Variants in DLG5 observed in about 807,000 individuals in gnomAD.
The protein encoded by DLG5 is disks large homolog 5.
Under a neutral mutation model 189.8 loss-of-function variants are expected in DLG5, and 48 were observed. The observed-to-expected ratio is 0.25, with a 90% CI of 0.20 to 0.32. DLG5 has a LOEUF of 0.32. Ranked by LOEUF, DLG5 falls within the 10% of genes least tolerant of loss-of-function variation. The pLI is 1.00. For missense variants in DLG5, 2,160 were observed against 2,544.7 expected, an observed-to-expected ratio of 0.85 and a Z score of 3.25; for synonymous variants, 1,016 against 1,054.1, an observed-to-expected ratio of 0.96 and a Z score of 0.70.
chr10:77,938,211 A>G, the DLG5 span, among the ~76,000 whole-genome samples: 286 of 152,122 alleles, frequency 1.9e-3, no homozygotes, highest in Non-Finnish European at 3.5e-3. Flanking sequence ...TGGGGGGCCA[A>G]GGAAGGATGA....
At chr10:77,869,026 C>T (rs915670929) in intron 2 of DLG5, 103 bp downstream of exon 2, 3 of 908,980 alleles carry the variant, frequency 3.3e-6, no homozygotes, top group Non-Finnish European at 5.3e-6. Flanking sequence ...TGTGAGTAAT[C>T]TGACAAGGGA....
rs59297524 is a variant in DLG5, at chr10:77,814,461, T to TTATATATATATATA, written c.4025+2076_4026-2085dup. Among the ~76,000 whole-genome samples, 18 of 70,754 alleles carry TTATATATATATATA rather than the reference T, an allele frequency of 2.5e-4. 1 individual carries two copies. The highest frequency in any genetic ancestry group is 5.2e-4 in the East Asian group (1 of 1,932). 46.4% of individuals were successfully genotyped at this position (70,754 alleles called of 152,430 possible). ...TATGTACATAAATAATAAAGCATGT[T>TTATATATATATATA]TATATATATATATATATATATATAT... On this transcript the variant is annotated intron_variant, in intron 20 of 31. Coordinates refer to ENST00000372391, the MANE Select transcript of DLG5 (RefSeq NM_004747.4).
At chr10:77,804,537 C>G (rs1444788613) in intron 27 of DLG5, among the ~76,000 whole-genome samples, 1 of 152,204 alleles carries the variant, frequency 6.6e-6, no homozygotes, top group Non-Finnish European at 1.5e-5. Context: ...CTCACTGCCA[C>G]CCCCACACCT....
the DLG5 span, among the ~76,000 whole-genome samples, chr10:77,932,984 G>C: frequency 6.6e-6 from 1 of 152,178 alleles, no homozygotes; most frequent in Non-Finnish European, 1.5e-5. Flanking sequence ...CCCCTGCTCA[G>C]AAATTCAGAC....
At chr10:77,906,381 G>C (rs1029460887) in intron 1 of DLG5, among the ~76,000 whole-genome samples, 5 of 152,218 alleles carry the variant, frequency 3.3e-5, no homozygotes, top group African/African-American at 9.6e-5. Flanking sequence ...TACCTGCTAA[G>C]GGAATGGCAG....
At chr10:77,882,375 G>GA (rs1845308412) in intron 1 of DLG5, among the ~76,000 whole-genome samples, 1 of 152,174 alleles carries the variant, frequency 6.6e-6, no homozygotes, top group Non-Finnish European at 1.5e-5. Context: ...CAGAGCAAAT[G>GA]AAATACTGGA....
Position 77,790,951 on chromosome 10 carries a change from A to C in DLG5, c.*1489T>G, listed in dbSNP as rs187127019. ...GCCTGTAACTTAGAAAACAGCCCCT[A>C]CCCCCAGAGGGTCTGCGAGTTAATA... On this transcript the variant is annotated 3_prime_UTR_variant, in exon 32 of 32. Transcript: ENST00000372391. The C allele has an allele frequency of 6.6e-6, 1 of 152,216 alleles. No homozygotes were observed. Among genetic ancestry groups the C allele is most frequent in the African/African-American group, 2.4e-5 (1 of 41,508 alleles). 9.4% of individuals were successfully genotyped at this position (152,216 alleles called of 1,614,324 possible). A position where few individuals can be genotyped will look rare whatever the true frequency, so the allele number is the denominator to read the frequency against.
At chr10:77,823,962 G>A (rs1219093448) in intron 14 of DLG5, among the ~76,000 whole-genome samples, 2 of 151,986 alleles carry the variant, frequency 1.3e-5, no homozygotes, top group African/African-American at 2.4e-5. Context: ...TGTGTTGCTG[G>A]GCTCAAGTGA....
Position 77,842,088 on chromosome 10 carries a change from C to T in DLG5, c.1230G>A (p.Thr410=), listed in dbSNP as rs757210778. The T allele has an allele frequency of 9.3e-6, 15 of 1,613,768 alleles. No individual in the cohort carries two copies. Among genetic ancestry groups the T allele is most frequent in the East Asian group, 8.9e-5 (4 of 44,902 alleles). The change falls in exon 7 of 32, where the codon ACG becomes ACA. Residue 410 remains threonine, a synonymous_variant. Coordinates refer to ENST00000372391, the MANE Select transcript of DLG5 (RefSeq NM_004747.4). ...CCGACTCCTTTGCTGTCTTCACCTG[C>T]GTGGTTCTCAGCTCGGTCAGCTCTG... ...LQSELTELRT[T]QVKTAKESEK...
At chr10:77,801,472 T>C (rs186990740) in intron 27 of DLG5, among the ~76,000 whole-genome samples, 23 of 152,230 alleles carry the variant, frequency 1.5e-4, no homozygotes, top group African/African-American at 5.1e-4. Context: ...AGACAGGGTA[T>C]TGTCGAAGAA....
chr10:77,852,348 G>A (rs1321496600), intron 5 of DLG5, among the ~76,000 whole-genome samples: 1 of 152,080 alleles, frequency 6.6e-6, no homozygotes, highest in Non-Finnish European at 1.5e-5. Flanking sequence ...TCCAGCCTGG[G>A]CGACAGAGCG....
intron 2 of DLG5, among the ~76,000 whole-genome samples, chr10:77,858,062 G>A (rs1007389389): frequency 6.6e-6 from 1 of 152,172 alleles, no homozygotes; most frequent in Non-Finnish European, 1.5e-5. Context: ...AAGGGCCAGG[G>A]AGGATAGGGA....
At chr10:77,872,702 A>G (rs1346757358) in intron 1 of DLG5, among the ~76,000 whole-genome samples, 1 of 152,158 alleles carries the variant, frequency 6.6e-6, no homozygotes, top group Non-Finnish European at 1.5e-5. Context: ...AGGCAAAAGA[A>G]GCCACTGTCC....
At chr10:77,859,560 T>C (rs1191740127) in intron 2 of DLG5, among the ~76,000 whole-genome samples, 1 of 152,236 alleles carries the variant, frequency 6.6e-6, no homozygotes, top group African/African-American at 2.4e-5. Flanking sequence ...CTGGCTACCG[T>C]AGCCAGTACA....
chr10:77,904,811 A>G (rs972567998), intron 1 of DLG5, among the ~76,000 whole-genome samples: 1 of 151,782 alleles, frequency 6.6e-6, no homozygotes, highest in Non-Finnish European at 1.5e-5. Context: ...TCCTGAGCAG[A>G]GTTTTACTTT....
chr10:77,822,719 T>C (rs927059133), intron 14 of DLG5, among the ~76,000 whole-genome samples: 1 of 152,202 alleles, frequency 6.6e-6, no homozygotes, highest in African/African-American at 2.4e-5. Context: ...AATTCATTGT[T>C]AAAAATATAT....
chr10:77,834,649 G>T (rs113957334), intron 8 of DLG5, among the ~76,000 whole-genome samples: 1 of 152,092 alleles, frequency 6.6e-6, no homozygotes, highest in African/African-American at 2.4e-5. Flanking sequence ...GCTGTGGAGG[G>T]GCCTGGGCTC....
intron 27 of DLG5, among the ~76,000 whole-genome samples, chr10:77,800,983 G>T (rs533562135): frequency 2.0e-5 from 3 of 152,206 alleles, no homozygotes; most frequent in Non-Finnish European, 2.9e-5. Flanking sequence ...GGATCAAAGT[G>T]ATCTGCGAGC....
chr10:77,872,659 C>T (rs1297148839), intron 1 of DLG5, among the ~76,000 whole-genome samples: 1 of 152,142 alleles, frequency 6.6e-6, no homozygotes, highest in East Asian at 1.9e-4. Context: ...TATTGTTGTC[C>T]TAAAGGCCTG....
Sources: gnomAD v4.1 joint callset for allele counts (sites outside exome capture counted in the v4.1 genomes callset) on GRCh38, gnomAD v4.1.1 for gene constraint, MANE v1.5 for transcripts, NCBI Gene and HGNC (gene_info 2026-07-23, HGNC 2026-07-21) for gene names.